GSG1L: variants seen among roughly 807,000 people sequenced by gnomAD.
GSG1L encodes GSG1 like.
A neutral mutation model predicts 42.1 loss-of-function variants in GSG1L; 24 were observed. The ratio of observed to expected loss-of-function variants is 0.57; its 90% CI spans 0.41 to 0.80. GSG1L has a LOEUF of 0.80. Among genes scored for constraint, GSG1L ranks in the 30% least tolerant of loss-of-function variants. The pLI, the probability that GSG1L is intolerant of heterozygous loss-of-function variation, is 0.00. For missense variants in GSG1L, 445 were observed against 472.2 expected, an observed-to-expected ratio of 0.94 and a Z score of 0.53; for synonymous variants, 215 against 203.5, an observed-to-expected ratio of 1.06 and a Z score of -0.48.
intron 6 of GSG1L, among the ~76,000 whole-genome samples, chr16:27,807,064 C>T (rs769779449): frequency 3.3e-5 from 5 of 152,208 alleles, no homozygotes; most frequent in Non-Finnish European, 7.3e-5. Flanking sequence ...TCATGGTGTG[C>T]CCCACAGCAA....
intron 2 of GSG1L, among the ~76,000 whole-genome samples, chr16:27,958,476 T>C (rs1046868634): frequency 1.3e-5 from 2 of 151,802 alleles, no homozygotes; most frequent in African/African-American, 4.8e-5. Flanking sequence ...CCTACACCTG[T>C]TTCAAGATAA....
chr16:27,947,377 A>G (rs1457995781), intron 2 of GSG1L, among the ~76,000 whole-genome samples: 3 of 114,840 alleles, frequency 2.6e-5, no homozygotes, highest in Admixed American at 1.1e-4. Context: ...AGAGAAAGAA[A>G]GAAAGAAAAA....
chr16:28,027,363 A>G (rs561028950), intron 1 of GSG1L, among the ~76,000 whole-genome samples: 106 of 152,270 alleles, frequency 7.0e-4, no homozygotes, highest in African/African-American at 2.5e-3. Context: ...CCTTTTCTCC[A>G]GAGTTATGGG....
chr16:28,045,966 A>G (rs150468490), intron 1 of GSG1L, among the ~76,000 whole-genome samples: 1,891 of 152,340 alleles, frequency 0.012, 18 homozygotes, highest in Non-Finnish European at 0.02. Flanking sequence ...ATTGCACTCC[A>G]GCCTGGGTGA....
At chr16:27,883,135 AAAAAGAG>A (rs57664649) in intron 3 of GSG1L, among the ~76,000 whole-genome samples, 495 of 26,076 alleles carry the variant, frequency 0.019, 4 homozygotes, top group Middle Eastern at 0.05. Flanking sequence ...AAAAAAAAAA[AAAAAGAG>A]AGAGAGAGAA....
intron 3 of GSG1L, among the ~76,000 whole-genome samples, chr16:27,847,492 G>C (rs943635584): frequency 6.6e-6 from 1 of 152,230 alleles, no homozygotes; most frequent in Admixed American, 6.5e-5. Flanking sequence ...GTCCAGGGGG[G>C]CTAAGAATTA....
Position 28,063,226 on chromosome 16 carries a change from G to A in GSG1L, c.199C>T (p.Pro67Ser). ...ANATANGTAA[P>S]AAAAAAATAS... ...GTGGCGGCGGCGGCGGCGGCGGCGG[G>A]GGCGGCGGTGCCGTTGGCCGTGGCG... Residue 67 changes from proline to serine, a missense_variant, in exon 1 of 7, where the codon CCC (proline) becomes TCC (serine). This residue lies in a region of GSG1L where 156 missense variants were observed against 128.3 expected (regional missense o/e 1.22). Transcript: ENST00000447459. The surrounding 1 kb of genome is among the most constrained non-coding windows in gnomAD (Gnocchi z 5.8). 1 of 1,253,214 alleles carries A rather than the reference G, an allele frequency of 8.0e-7. No individual in the cohort carries two copies. The highest frequency in any genetic ancestry group is 1.0e-6 in the Non-Finnish European group (1 of 1,004,194). The allele number at this position is 1,253,214 out of a possible 1,614,324, so 77.6% of individuals were successfully genotyped here.
chr16:28,000,058 G>A (rs982261451), intron 1 of GSG1L, among the ~76,000 whole-genome samples: 15 of 152,188 alleles, frequency 9.9e-5, no homozygotes, highest in Admixed American at 3.3e-4. Context: ...ATGGAGACAC[G>A]GCTCAAGTCC....
chr16:27,883,246 A>C (rs1360758543), intron 3 of GSG1L, among the ~76,000 whole-genome samples: 1 of 139,540 alleles, frequency 7.2e-6, no homozygotes, highest in Non-Finnish European at 1.6e-5. Flanking sequence ...TAGGTTGAGT[A>C]AATAAATAAA....
intron 3 of GSG1L, among the ~76,000 whole-genome samples, chr16:27,880,851 G>C (rs1030006875): frequency 6.6e-6 from 1 of 151,886 alleles, no homozygotes; most frequent in Admixed American, 6.6e-5. Flanking sequence ...TGGTGCAGGG[G>C]AAGAAAAGGA....
At chr16:27,809,938 G>A (rs1033224136) in intron 5 of GSG1L, among the ~76,000 whole-genome samples, 18 of 152,228 alleles carry the variant, frequency 1.2e-4, no homozygotes, top group African/African-American at 3.9e-4. Context: ...AGCTGGAGGA[G>A]AAGATGGGGG....
chr16:27,799,324 AG>A (rs2082856454), intron 6 of GSG1L, among the ~76,000 whole-genome samples: 1 of 151,982 alleles, frequency 6.6e-6, no homozygotes, highest in African/African-American at 2.4e-5. Flanking sequence ...ACTTGAGGCC[AG>A]GAGTTCGAGA....
intron 3 of GSG1L, among the ~76,000 whole-genome samples, chr16:27,847,267 C>A (rs1237945700): frequency 2.0e-5 from 3 of 152,120 alleles, no homozygotes; most frequent in Non-Finnish European, 4.4e-5. Context: ...AAATGGAATT[C>A]CCAACCGGTG....
At chr16:28,037,451 T>G (rs2086053454) in intron 1 of GSG1L, among the ~76,000 whole-genome samples, 1 of 152,198 alleles carries the variant, frequency 6.6e-6, no homozygotes, top group South Asian at 2.1e-4. Flanking sequence ...CTCCAGTTCA[T>G]CAATGTCCCT....
At chr16:27,857,427 C>A (rs1232816259) in intron 3 of GSG1L, among the ~76,000 whole-genome samples, 65 of 124,826 alleles carry the variant, frequency 5.2e-4, no homozygotes, top group South Asian at 1.1e-3. Flanking sequence ...GACTACATCT[C>A]AAAAAAAAAA....
intron 1 of GSG1L, among the ~76,000 whole-genome samples, chr16:27,965,294 C>T (rs2085118556): frequency 6.6e-6 from 1 of 152,010 alleles, no homozygotes; most frequent in Non-Finnish European, 1.5e-5. Flanking sequence ...GGATTACAGG[C>T]ATGAGCCACT....
intron 1 of GSG1L, among the ~76,000 whole-genome samples, chr16:28,027,264 G>C (rs2085909766): frequency 6.6e-6 from 1 of 152,160 alleles, no homozygotes; most frequent in Non-Finnish European, 1.5e-5. Context: ...CAGCCAATCA[G>C]AGTACTCCAT....
At chr16:27,811,790 A>G (rs2083034585) in intron 5 of GSG1L, among the ~76,000 whole-genome samples, 1 of 152,200 alleles carries the variant, frequency 6.6e-6, no homozygotes, top group Non-Finnish European at 1.5e-5. Context: ...CTGGAATTAC[A>G]GGTGTGTGCC....
At chr16:27,938,194 C>T (rs938670707) in intron 2 of GSG1L, among the ~76,000 whole-genome samples, 1 of 151,930 alleles carries the variant, frequency 6.6e-6, no homozygotes, top group Non-Finnish European at 1.5e-5. Flanking sequence ...CAATGATTGG[C>T]ACCACTAATA....
Sources: allele counts gnomAD v4.1 joint callset (sites outside exome capture counted in the v4.1 genomes callset), GRCh38; gene constraint gnomAD v4.1.1; regional missense constraint gnomAD v4.1.1; non-coding constraint Gnocchi (gnomAD v3.1); transcripts MANE v1.5; gene names NCBI Gene and HGNC (gene_info 2026-07-23, HGNC 2026-07-21).